The following FIGNL2 variants were observed in gnomAD, a reference collection of about 807,000 sequenced individuals.
The protein encoded by FIGNL2 is fidgetin-like protein 2.
For synonymous variants in FIGNL2, 565 were observed against 484.0 expected (o/e 1.17, Z -2.20); for missense variants, 1,060 against 950.2 (o/e 1.12, Z -1.52).
intron 1 of FIGNL2, among the ~76,000 whole-genome samples, chr12:51,832,758 C>T (rs979103086): frequency 6.6e-6 from 1 of 152,134 alleles, no homozygotes; most frequent in Non-Finnish European, 1.5e-5. Flanking sequence ...CCCTGCACTC[C>T]GCACTTTATT....
At position 51,820,323 on chromosome 12, in the gene FIGNL2, C is replaced by T; in HGVS notation, c.*129G>A. 1 of 1,219,656 alleles carries T rather than the reference C, an allele frequency of 8.2e-7. No individual in the cohort carries two copies. Among genetic ancestry groups the T allele is most frequent in the Non-Finnish European group, 1.1e-6 (1 of 904,372 alleles). The allele number at this position is 1,219,656 out of a possible 1,614,324, so 75.6% of individuals were successfully genotyped here. On this transcript the variant is annotated 3_prime_UTR_variant, in exon 2 of 2. Coordinates refer to ENST00000618634, the MANE Select transcript of FIGNL2 (RefSeq NM_001384995.1). ...AAAAAAAAAATATCCACCGGCAGAC[C>T]CCTCCTGTCCCCGATCCCACATTCA...
intron 1 of FIGNL2, among the ~76,000 whole-genome samples, chr12:51,823,002 C>T (rs1225677359): frequency 1.3e-5 from 2 of 152,202 alleles, no homozygotes; most frequent in Non-Finnish European, 2.9e-5. Context: ...TCCAAGGCCC[C>T]GTGTGGGCCT....
intron 1 of FIGNL2, among the ~76,000 whole-genome samples, chr12:51,843,289 C>T (rs1343278184): frequency 6.6e-6 from 1 of 151,878 alleles, no homozygotes; most frequent in Non-Finnish European, 1.5e-5. Flanking sequence ...GTAATCCCAA[C>T]ACTTTGGGAG....
Position 51,821,261 on chromosome 12 carries a change from A to C in FIGNL2, c.1153T>G (p.Cys385Gly), listed in dbSNP as rs974633039. The C allele has an allele frequency of 6.0e-5, 91 of 1,525,992 alleles. 1 individual carries two copies. The Admixed American group carries it at 1.6e-3, about 27-fold the overall frequency. 94.5% of individuals were successfully genotyped at this position (1,525,992 alleles called of 1,614,324 possible). A position where few individuals can be genotyped will look rare whatever the true frequency, so the allele number is the denominator to read the frequency against. The change falls in exon 2 of 2, where the codon TGC becomes GGC. Residue 385 changes from cysteine to glycine, a missense_variant. By Grantham distance (159) the Cys-to-Gly change is radical (BLOSUM62 -3). Coordinates refer to ENST00000618634, the MANE Select transcript of FIGNL2 (RefSeq NM_001384995.1). The part of the protein sequence containing the change: ...LELVTSKMVD[C>G]GPPVQWADVA... ...TCCGCCCACTGCACCGGGGGCCCGCAGTCCACCATCTTGCTCGTCACCAGC... is the reference window on the plus strand; with the variant it reads ...TCCGCCCACTGCACCGGGGGCCCGCCGTCCACCATCTTGCTCGTCACCAGC...
At chr12:51,846,816 C>T (rs1565949572) in intron 1 of FIGNL2, among the ~76,000 whole-genome samples, 2 of 152,244 alleles carry the variant, frequency 1.3e-5, no homozygotes, top group South Asian at 2.1e-4. Context: ...GCCTAATTCC[C>T]TTTGGCCCAA....
intron 1 of FIGNL2, chr12:51,844,865 G>T (rs1221955050): frequency 4.1e-6 from 4 of 985,352 alleles, no homozygotes; most frequent in East Asian, 2.3e-4. Flanking sequence ...TCATACCCCT[G>T]GTCGCTTGGT....
At position 51,821,811 on chromosome 12, in the gene FIGNL2, C is replaced by A; in HGVS notation, c.603G>T (p.Pro201=). The A allele has an allele frequency of 7.8e-7, 1 of 1,274,138 alleles. No individual in the cohort carries two copies. Among genetic ancestry groups the A allele is most frequent in the Non-Finnish European group, 9.8e-7 (1 of 1,015,296 alleles). The allele number at this position is 1,274,138 out of a possible 1,614,324, so 78.9% of individuals were successfully genotyped here. A position where few individuals can be genotyped will look rare whatever the true frequency, so the allele number is the denominator to read the frequency against. Residue 201 remains proline, a synonymous_variant, in exon 2 of 2, where the codon CCG becomes CCT. Transcript: ENST00000618634. ...AGCCCCCTGCGGGATAGTTGTACAG[C>A]GGCGCTGAGGGCCCGTACCCCGGAG... ...PPPPGYGPSA[P]LYNYPAGGYA...
intron 1 of FIGNL2, chr12:51,847,471 C>A (rs1316167849): frequency 1.0e-6 from 1 of 985,362 alleles, no homozygotes; most frequent in East Asian, 1.1e-4. Flanking sequence ...GTCCTCTATT[C>A]TCCTCCAAAT....
chr12:51,837,065 G>A (rs1260804278), intron 1 of FIGNL2, among the ~76,000 whole-genome samples: 3 of 152,164 alleles, frequency 2.0e-5, no homozygotes, highest in African/African-American at 7.2e-5. Flanking sequence ...AAAGCCTGGG[G>A]CCTTGGGAGG....
intron 1 of FIGNL2, among the ~76,000 whole-genome samples, chr12:51,846,777 C>T (rs1367273608): frequency 2.0e-5 from 3 of 152,188 alleles, no homozygotes; most frequent in South Asian, 2.1e-4. Flanking sequence ...CTCTAGGCCT[C>T]CCCAGGAGCA....
chr12:51,847,474 C>T, intron 1 of FIGNL2: 1 of 985,472 alleles, frequency 1.0e-6, no homozygotes, highest in Non-Finnish European at 1.2e-6. Flanking sequence ...CTCTATTCTC[C>T]TCCAAATTAG....
chr12:51,846,266 G>A (rs377466685), intron 1 of FIGNL2, among the ~76,000 whole-genome samples: 13 of 152,364 alleles, frequency 8.5e-5, no homozygotes, highest in African/African-American at 2.9e-4. Context: ...ACGGAGGGAG[G>A]AGCAAGTGAC....
At chr12:51,837,397 G>A (rs1420838984) in intron 1 of FIGNL2, among the ~76,000 whole-genome samples, 2 of 152,142 alleles carry the variant, frequency 1.3e-5, no homozygotes, top group Non-Finnish European at 2.9e-5. Context: ...CCCATGAGGG[G>A]TATCCATGCC....
Position 51,822,257 on chromosome 12 carries a change from C to A in FIGNL2, c.157G>T (p.Ala53Ser). Reference sequence around the variant, plus strand: ...TTTAGGAGGTTGGAGGCAGTGAGGGCTGAGATGTCGTCGTGTGCCCAAGCG... The same window carrying A: ...TTTAGGAGGTTGGAGGCAGTGAGGGATGAGATGTCGTCGTGTGCCCAAGCG... ...HYAWAHDDIS[A>S]LTASNLLKRY... The change falls in exon 2 of 2, where the codon GCC becomes TCC. Residue 53 changes from alanine to serine, a missense_variant. By Grantham distance (99) the Ala-to-Ser change is moderately conservative (BLOSUM62 1). Coordinates refer to ENST00000618634, the MANE Select transcript of FIGNL2 (RefSeq NM_001384995.1). The A allele has an allele frequency of 2.5e-6, 4 of 1,611,420 alleles. No homozygotes were observed. Among genetic ancestry groups the A allele is most frequent in the Non-Finnish European group, 3.4e-6 (4 of 1,178,834 alleles).
At chr12:51,832,725 T>C (rs1939496439) in intron 1 of FIGNL2, among the ~76,000 whole-genome samples, 1 of 152,178 alleles carries the variant, frequency 6.6e-6, no homozygotes, top group African/African-American at 2.4e-5. Context: ...TTCCCAAACA[T>C]AGTTCTCCAG....
rs560293657 is a variant in FIGNL2 at position 51,845,416 on chromosome 12, G to A, written c.-12+3124C>T. The A allele has an allele frequency of 2.1e-4, 204 of 964,026 alleles. 1 individual carries two copies. The highest frequency in any genetic ancestry group is 2.3e-4 in the Non-Finnish European group (188 of 810,598). The allele number at this position is 964,026 out of a possible 1,614,324, so 59.7% of individuals were successfully genotyped here. A position where few individuals can be genotyped will look rare whatever the true frequency, so the allele number is the denominator to read the frequency against. Reference sequence around the variant, plus strand: ...GGGGCAGGACCAGCCCAAGGCTAAGGTAGCAGATGCCAGCACCCCATACTT... The same window carrying A: ...GGGGCAGGACCAGCCCAAGGCTAAGATAGCAGATGCCAGCACCCCATACTT... On this transcript the variant is annotated intron_variant, in intron 1 of 1. Coordinates refer to ENST00000618634, the MANE Select transcript of FIGNL2 (RefSeq NM_001384995.1).
intron 1 of FIGNL2, among the ~76,000 whole-genome samples, chr12:51,825,071 A>G (rs1939309464): frequency 6.6e-6 from 1 of 151,936 alleles, no homozygotes; most frequent in Non-Finnish European, 1.5e-5. Context: ...CAAAAGTTAC[A>G]CAAATGCAAG....
At chr12:51,825,229 AAG>A (rs1435262357) in intron 1 of FIGNL2, among the ~76,000 whole-genome samples, 2 of 152,132 alleles carry the variant, frequency 1.3e-5, no homozygotes, top group Non-Finnish European at 1.5e-5. Context: ...GCTGGGGAAA[AAG>A]AGTGACATCC....
chr12:51,847,820 T>TG, intron 1 of FIGNL2: 1 of 985,112 alleles, frequency 1.0e-6, no homozygotes, highest in Non-Finnish European at 1.2e-6. Flanking sequence ...GCTCTTGCGG[T>TG]GGGGAAGTTT....
Sources: gnomAD v4.1 joint callset for allele counts (sites outside exome capture counted in the v4.1 genomes callset) on GRCh38, gnomAD v4.1.1 for gene constraint, MANE v1.5 for transcripts, NCBI Gene and HGNC (gene_info 2026-07-23, HGNC 2026-07-21) for gene names.